NACA: variants seen among roughly 807,000 people sequenced by gnomAD.
NACA encodes nascent polypeptide associated complex subunit alpha, also known as nascent polypeptide-associated complex subunit alpha.
A neutral mutation model predicts 86.4 loss-of-function variants in NACA; 42 were observed. The ratio of observed to expected loss-of-function variants is 0.49; its 90% CI spans 0.38 to 0.63. NACA has a LOEUF of 0.63. Among genes scored for constraint, NACA ranks in the 20% least tolerant of loss-of-function variants. The pLI, the probability that NACA is intolerant of heterozygous loss-of-function variation, is 0.00. For synonymous variants in NACA, 898 were observed against 973.7 expected (o/e 0.92, Z 1.45); for missense variants, 2,157 against 2,483.6 (o/e 0.87, Z 2.80).
At position 56,721,317 on chromosome 12, in the gene NACA, A is replaced by C; in HGVS notation, c.213T>G (p.Ser71=). The change falls in exon 3 of 9, where the codon TCT becomes TCG. Residue 71 remains serine (S), a synonymous_variant. Transcript: ENST00000454682. ...ANQASPFPSP[S]TIASTPLEVP... is the part of the protein sequence containing the mutation. ...CTTCTAAAGGGGTCGAGGCAATAGT[A>C]GAGGGGGAAGGGAATGGGGAAGCCT... 6.2e-7 allele frequency: 1 copy of C among 1,610,870 alleles called. No homozygotes were observed. Among genetic ancestry groups the C allele is most frequent in the Non-Finnish European group, 8.5e-7 (1 of 1,178,806 alleles).
chr12:56,716,990 T>TG lies in NACA; in HGVS notation c.4539dup (p.Lys1514GlnfsTer23). ...GAGGATGGGGTAGCTGGGACCTCTT[T>TG]GGGGGAAGAAGGAATCACAGCTGGC... On this transcript the variant is annotated frameshift_variant, in exon 3 of 9. Coordinates refer to ENST00000454682, the MANE Select transcript of NACA (RefSeq NM_001365896.1). LOFTEE classifies it high-confidence loss of function. 1.6e-6 allele frequency: 2 copies of TG among 1,272,716 alleles called. No homozygotes were observed. Among genetic ancestry groups the TG allele is most frequent in the Non-Finnish European group, 2.0e-6 (2 of 991,646 alleles). The allele number at this position is 1,272,716 out of a possible 1,614,324, so 78.8% of individuals were successfully genotyped here.
chr12:56,715,836 G>C (rs1383153366), intron 3 of NACA, 35 bp downstream of exon 3: 1 of 1,488,366 alleles, frequency 6.7e-7, no homozygotes, highest in East Asian at 2.3e-5. Flanking sequence ...GTGGACGACA[G>C]ACACACCATG....
In NACA at chr12:56,713,629, G is replaced by A. The variant is rs1054514231; in HGVS notation, c.5878C>T (p.Arg1960Trp). The change falls in exon 6 of 9, where the codon CGG (arginine) becomes TGG (tryptophan). Residue 1960 changes from arginine to tryptophan, a missense_variant. Physicochemically the swap from Arg to Trp is moderately radical, Grantham distance 101. This residue lies in a region of NACA where 81 missense variants were observed against 200.6 expected (regional missense o/e 0.40). Transcript: ENST00000454682. ...ACAAAGAGGATATTCTTAGATTTCC[G>A]GATAGTGACTCTAGTAACTCCTGTA... ...QVTGVTRVTI[R>W]KSKNILFVIT... 1 of 1,613,920 alleles carries A rather than the reference G, an allele frequency of 6.2e-7. No individual in the cohort carries two copies.
chr12:56,713,019 G>A, intron 7 of NACA, 43 bp downstream of exon 7: 1 of 1,612,776 alleles, frequency 6.2e-7, no homozygotes, highest in South Asian at 1.1e-5. Context: ...CGAACACAAT[G>A]CTATACGGCG....
rs374710825 is a variant in NACA, at chr12:56,724,363, TA to T, written c.70+88del. 1.9e-5 allele frequency: 26 copies of T among 1,355,314 alleles called. No homozygotes were observed. The African/African-American group carries it at 3.1e-4, about 16-fold the overall frequency. The allele number at this position is 1,355,314 out of a possible 1,614,324, so 84.0% of individuals were successfully genotyped here. Reference sequence around the variant, plus strand: ...TGGTAAAGCTGCAACCCCATCCTCCTAAAAAGTGTATTTCCCCTTGGTCATT... The same window carrying T: ...TGGTAAAGCTGCAACCCCATCCTCCTAAAAGTGTATTTCCCCTTGGTCATT... On this transcript the variant is annotated intron_variant, in intron 2 of 8. Transcript: ENST00000454682.
chr12:56,718,176 A>AGCT lies in NACA; in HGVS notation c.3351_3353dup (p.Ala1118dup), dbSNP rs1389869953. The AGCT allele has an allele frequency of 6.8e-6, 7 of 1,027,382 alleles. No homozygotes were observed. The highest frequency in any genetic ancestry group is 5.8e-5 in the East Asian group (1 of 17,264). The allele number at this position is 1,027,382 out of a possible 1,614,324, so 63.6% of individuals were successfully genotyped here. A position where few individuals can be genotyped will look rare whatever the true frequency, so the allele number is the denominator to read the frequency against. The stretch of plus-strand genomic sequence containing the variant: ...TGGGTGCCCCTTTGTGGGGTGGGGT[A>AGCT]GCTAGACCTCCTTTTGGGGAGGGAG... On this transcript the variant is annotated inframe_insertion, in exon 3 of 9. Coordinates refer to ENST00000454682, the MANE Select transcript of NACA (RefSeq NM_001365896.1).
chr12:56,714,251 C>T (rs1953287848), intron 5 of NACA, 111 bp downstream of exon 5: 15 of 1,126,736 alleles, frequency 1.3e-5, no homozygotes, highest in Non-Finnish European at 1.8e-5. Flanking sequence ...CACTAGAGAA[C>T]TTACTTGTAT....
At position 56,717,116 on chromosome 12, in the gene NACA, G is replaced by T. The variant is rs570866733; in HGVS notation, c.4414C>A (p.Pro1472Thr). ...GCTGGGGGCTCCTTGGGGGAAGGAGGAGTCACTGCTGGGAGGGTGGGATCC... is the reference window on the plus strand; with the variant it reads ...GCTGGGGGCTCCTTGGGGGAAGGAGTAGTCACTGCTGGGAGGGTGGGATCC... ...KGDPTLPAVT[P>T]PSPKEPPAPK... The change falls in exon 3 of 9, where the codon CCT (proline) becomes ACT (threonine). Residue 1472 changes from proline (P) to threonine (T), a missense_variant. This residue lies in a region of NACA where 797 missense variants were observed against 777.6 expected (regional missense o/e 1.02). Transcript: ENST00000454682. 2.0e-5 allele frequency: 25 copies of T among 1,268,832 alleles called. No individual in the cohort carries two copies. Among genetic ancestry groups the T allele is most frequent in the South Asian group, 1.2e-4 (7 of 57,978 alleles). The allele number at this position is 1,268,832 out of a possible 1,614,324, so 78.6% of individuals were successfully genotyped here. A position where few individuals can be genotyped will look rare whatever the true frequency, so the allele number is the denominator to read the frequency against.
chr12:56,717,363 G>A lies in NACA; in HGVS notation c.4167C>T (p.Pro1389=). 4.4e-6 allele frequency: 6 copies of A among 1,364,410 alleles called. No homozygotes were observed. Among genetic ancestry groups the A allele is most frequent in the Non-Finnish European group, 5.8e-6 (6 of 1,034,552 alleles). The allele number at this position is 1,364,410 out of a possible 1,614,324, so 84.5% of individuals were successfully genotyped here. A position where few individuals can be genotyped will look rare whatever the true frequency, so the allele number is the denominator to read the frequency against. The change falls in exon 3 of 9, where the codon CCC becomes CCT. Residue 1389 remains proline (P), a synonymous_variant. Coordinates refer to ENST00000454682, the MANE Select transcript of NACA (RefSeq NM_001365896.1). The part of the protein sequence containing the change: ...KGGPAMTPPS[P]KRGPAIPSPK... ...GAGATGGGATAGCTGGTCCTCTTTT[G>A]GGGGAGGGAGGAGTCATAGCGGGAC...
Position 56,716,805 on chromosome 12 carries a change from G to A in NACA, c.4725C>T (p.Ser1575=), listed in dbSNP as rs1953382003. ...PTPKEAPATP[S]SKEASSPPAV... Reference sequence around the variant, plus strand: ...CTGGGGGACTGGAGGCCTCTTTGGAGGATGGGGTAGCTGGGGCTTCTTTGG... The same window carrying A: ...CTGGGGGACTGGAGGCCTCTTTGGAAGATGGGGTAGCTGGGGCTTCTTTGG... The change falls in exon 3 of 9, where the codon TCC becomes TCT. Residue 1575 remains serine (S), a synonymous_variant. Coordinates refer to ENST00000454682, the MANE Select transcript of NACA (RefSeq NM_001365896.1). 6 of 1,340,902 alleles carry A rather than the reference G, an allele frequency of 4.5e-6. No individual in the cohort carries two copies. Among genetic ancestry groups the A allele is most frequent in the East Asian group, 6.3e-5 (2 of 31,804 alleles). The allele number at this position is 1,340,902 out of a possible 1,614,324, so 83.1% of individuals were successfully genotyped here. A position where few individuals can be genotyped will look rare whatever the true frequency, so the allele number is the denominator to read the frequency against.
intron 2 of NACA, among the ~76,000 whole-genome samples, chr12:56,723,101 G>C (rs1442857902): frequency 6.6e-6 from 1 of 152,168 alleles, no homozygotes; most frequent in Non-Finnish European, 1.5e-5. Context: ...GTTTTCTTCT[G>C]ACTGGACCTC....
In NACA at chr12:56,724,896, T is replaced by G. The variant is rs370984152; in HGVS notation, c.-3+367A>C. On this transcript the variant is annotated intron_variant, in intron 1 of 8. Transcript: ENST00000454682. Reference sequence around the variant, plus strand: ...GTACCAGGAGGGGAAAGACGGTGTTTTAAGTCCAACACTTGCTTGTCACAG... The same window carrying G: ...GTACCAGGAGGGGAAAGACGGTGTTGTAAGTCCAACACTTGCTTGTCACAG... 7.4e-4 allele frequency: 175 copies of G among 235,234 alleles called. 1 individual carries two copies. Among genetic ancestry groups the G allele is most frequent in the African/African-American group, 3.7e-3 (160 of 43,672 alleles). The allele number at this position is 235,234 out of a possible 1,614,324, so 14.6% of individuals were successfully genotyped here.
At position 56,716,042 on chromosome 12, in the gene NACA, T is replaced by C. The variant is rs757805680; in HGVS notation, c.5488A>G (p.Lys1830Glu). 5 of 1,609,660 alleles carry C rather than the reference T, an allele frequency of 3.1e-6. No homozygotes were observed. The highest frequency in any genetic ancestry group is 4.2e-6 in the Non-Finnish European group (5 of 1,177,358). Residue 1830 changes from lysine (K) to glutamate (E), a missense_variant, in exon 3 of 9, where the codon AAA (lysine) becomes GAA (glutamate). Coordinates refer to ENST00000454682, the MANE Select transcript of NACA (RefSeq NM_001365896.1). Reference protein sequence around the residue: ...SPGLVLESPSKPLAPADEDEL... With the variant: ...SPGLVLESPSEPLAPADEDEL... ...TCCTCATCAGCAGGGGCAAGGGGTTTAGAGGGTGATTCCAACACCAGCCCA... is the reference window on the plus strand; with the variant it reads ...TCCTCATCAGCAGGGGCAAGGGGTTCAGAGGGTGATTCCAACACCAGCCCA...
Position 56,719,332 on chromosome 12 carries a change from G to T in NACA, c.2198C>A (p.Ser733Tyr). 6.2e-7 allele frequency: 1 copy of T among 1,607,072 alleles called. No homozygotes were observed. Among genetic ancestry groups the T allele is most frequent in the East Asian group, 2.2e-5 (1 of 44,664 alleles). ...TGGGGGAAGAGAGGGTGAGGGCACAGACTTTGGGATTTCAGGGGCCAGCAC... is the reference window on the plus strand; with the variant it reads ...TGGGGGAAGAGAGGGTGAGGGCACATACTTTGGGATTTCAGGGGCCAGCAC... ...TLVLAPEIPK[S>Y]VPSPSLPPAG... is the part of the protein sequence containing the mutation. Residue 733 changes from serine (S) to tyrosine (Y), a missense_variant, in exon 3 of 9, where the codon TCT (serine) becomes TAT (tyrosine). Physicochemically the swap from Ser to Tyr is moderately radical, Grantham distance 144. Around this residue, in one of 8 missense-constraint regions of NACA, gnomAD observed 947 missense variants for 917.9 expected, o/e 1.03. Coordinates refer to ENST00000454682, the MANE Select transcript of NACA (RefSeq NM_001365896.1).
Position 56,716,843 on chromosome 12 carries a change from C to T in NACA, c.4687G>A (p.Ala1563Thr), listed in dbSNP as rs745989049. The T allele has an allele frequency of 2.0e-5, 24 of 1,187,124 alleles. No individual in the cohort carries two copies. Among genetic ancestry groups the T allele is most frequent in the African/African-American group, 6.2e-5 (3 of 48,428 alleles). 73.5% of individuals were successfully genotyped at this position (1,187,124 alleles called of 1,614,324 possible). Residue 1563 changes from alanine to threonine, a missense_variant, in exon 3 of 9, where the codon GCA (alanine) becomes ACA (threonine). Transcript: ENST00000454682. ...MTVPSPKKTP[A>T]IPTPKEAPAT... is the part of the protein sequence containing the mutation. ...GGGGCTTCTTTGGGGGTTGGAATTG[C>T]TGGGGTCTTTTTAGGGGAGGGAACA...
Position 56,720,953 on chromosome 12 carries a change from A to AG in NACA, c.576dup (p.Ser193LeufsTer2). The AG allele has an allele frequency of 6.2e-7, 1 of 1,614,014 alleles. No individual in the cohort carries two copies. ...CCTTTTGGATTAGGGACTACCTCAGAGGGAACTTTATTAAGATTAGTCTTT... is the reference window on the plus strand; with the variant it reads ...CCTTTTGGATTAGGGACTACCTCAGAGGGGAACTTTATTAAGATTAGTCTTT... On this transcript the variant is annotated frameshift_variant, in exon 3 of 9. Coordinates refer to ENST00000454682, the MANE Select transcript of NACA (RefSeq NM_001365896.1). LOFTEE classifies it high-confidence loss of function.
chr12:56,721,042 G>A lies in NACA; in HGVS notation c.488C>T (p.Ser163Leu). The A allele has an allele frequency of 6.2e-7, 1 of 1,614,010 alleles. No homozygotes were observed. The highest frequency in any genetic ancestry group is 8.5e-7 in the Non-Finnish European group (1 of 1,179,888). ...TGACCCTGACTCAGCTACAGCCACT[G>A]AAGGAGGTGAAGTAAGAAGGTTAGG... The part of the protein sequence containing the change: ...FPPNLLTSPP[S>L]VAVAESGSVI... The change falls in exon 3 of 9, where the codon TCA becomes TTA. Residue 163 changes from serine to leucine, a missense_variant. This residue lies in a region of NACA where 947 missense variants were observed against 917.9 expected (regional missense o/e 1.03). Coordinates refer to ENST00000454682, the MANE Select transcript of NACA (RefSeq NM_001365896.1).
rs749804780 is a variant in NACA at position 56,717,625 on chromosome 12, G to A, written c.3905C>T (p.Ala1302Val). The A allele has an allele frequency of 8.0e-7, 1 of 1,242,684 alleles. No homozygotes were observed. The highest frequency in any genetic ancestry group is 4.0e-5 in the East Asian group (1 of 25,130). The allele number at this position is 1,242,684 out of a possible 1,614,324, so 77.0% of individuals were successfully genotyped here. Reference protein sequence around the residue: ...VTPPSPKGGPATSPPKGAPTP... With the variant: ...VTPPSPKGGPVTSPPKGAPTP... ...GGGGGCCCCTTTGGGGGGTGAGGTA[G>A]CTGGGCCTCCTTTTGGAGAGGGAGG... The change falls in exon 3 of 9, where the codon GCT becomes GTT. Residue 1302 changes from alanine (A) to valine (V), a missense_variant. Ala to Val is a moderately conservative substitution (Grantham distance 64). Coordinates refer to ENST00000454682, the MANE Select transcript of NACA (RefSeq NM_001365896.1).
rs1413739321 is a variant in NACA at position 56,719,756 on chromosome 12, T to G, written c.1774A>C (p.Lys592Gln). 3 of 1,613,706 alleles carry G rather than the reference T, an allele frequency of 1.9e-6. No individual in the cohort carries two copies. Among genetic ancestry groups the G allele is most frequent in the Non-Finnish European group, 2.5e-6 (3 of 1,179,866 alleles). Residue 592 changes from lysine (K) to glutamine (Q), a missense_variant, in exon 3 of 9, where the codon AAG becomes CAG. Physicochemically the swap from Lys to Gln is moderately conservative, Grantham distance 53 (BLOSUM62 1). Around this residue, in one of 8 missense-constraint regions of NACA, gnomAD observed 947 missense variants for 917.9 expected, o/e 1.03. Coordinates refer to ENST00000454682, the MANE Select transcript of NACA (RefSeq NM_001365896.1). ...GGGAGAGGCTCCCCAAGGCTTTTCT[T>G]TGCTAGGGTGGCTTCAGGAGAAAGA... is the stretch of plus-strand genomic sequence containing the variant. ...IPLSPEATLA[K>Q]KSLGEPLPIG...
Sources: gnomAD v4.1 joint callset for allele counts (sites outside exome capture counted in the v4.1 genomes callset) on GRCh38, gnomAD v4.1.1 for gene constraint, gnomAD v4.1.1 regional missense constraint, MANE v1.5 for transcripts, NCBI Gene and HGNC (gene_info 2026-07-23, HGNC 2026-07-21) for gene names.